Variants in IL23R observed in about 807,000 individuals in gnomAD.
IL23R encodes interleukin-23 receptor.
IL23R carries 34 observed loss-of-function variants against 56.9 expected under a neutral mutation model. That is an observed-to-expected ratio of 0.60 (90% CI 0.45 to 0.80). IL23R has a LOEUF of 0.80. Ranked by LOEUF, IL23R falls within the 30% of genes least tolerant of loss-of-function variation. The pLI is 0.00. For missense variants in IL23R, 635 were observed against 730.0 expected (o/e 0.87, Z 1.50); for synonymous variants, 230 against 249.2 (o/e 0.92, Z 0.73).
chr1:67,218,877 G>A (rs562849469), intron 6 of IL23R, among the ~76,000 whole-genome samples: 23 of 151,658 alleles, frequency 1.5e-4, no homozygotes, highest in South Asian at 4.2e-4. Context: ...AGCTGTGATC[G>A]AGCCACTGCA....
chr1:67,163,468 C>CAA (rs57495148), upstream of IL23R, among the ~76,000 whole-genome samples: 260 of 49,612 alleles, frequency 5.2e-3, 21 homozygotes, highest in African/African-American at 0.023. Flanking sequence ...GACCCTGTCT[C>CAA]AAAAAAAAAA....
At chr1:67,201,584 A>G (rs1648641702) in intron 5 of IL23R, among the ~76,000 whole-genome samples, 1 of 151,246 alleles carries the variant, frequency 6.6e-6, no homozygotes, top group East Asian at 1.9e-4. Flanking sequence ...CACTATGATC[A>G]TGATAAAGTT....
At chr1:67,241,532 C>G (rs1366689066) in intron 9 of IL23R, among the ~76,000 whole-genome samples, 3 of 152,154 alleles carry the variant, frequency 2.0e-5, no homozygotes, top group Non-Finnish European at 4.4e-5. Context: ...ACTTAGGTGA[C>G]AGTGTGACCA....
At chr1:67,199,069 A>T (rs1278037499) in intron 4 of IL23R, among the ~76,000 whole-genome samples, 1 of 152,138 alleles carries the variant, frequency 6.6e-6, no homozygotes, top group East Asian at 1.9e-4. Context: ...AATCCTCCGT[A>T]AAGGTGCTAG....
At chr1:67,212,912 T>C (rs1649590442) in intron 6 of IL23R, among the ~76,000 whole-genome samples, 2 of 151,980 alleles carry the variant, frequency 1.3e-5, no homozygotes, top group African/African-American at 4.8e-5. Flanking sequence ...CTCACTGTGT[T>C]GCCCAGGCTG....
chr1:67,190,205 A>G lies in IL23R; in HGVS notation c.491+7246A>G, dbSNP rs60098735. Among the ~76,000 whole-genome samples, 476 of 152,280 alleles carry G rather than the reference A, an allele frequency of 3.1e-3. 5 individuals carry two copies. Among genetic ancestry groups the G allele is most frequent in the African/African-American group, 0.011 (459 of 41,546 alleles). On this transcript the variant is annotated intron_variant, in intron 4 of 10. Transcript: ENST00000347310. ...GCTTTTTACCTGAGACCACCTACTC[A>G]TTTCTCCAGTTGCAGAAAGGCAGTG...
chr1:67,192,857 T>G (rs767193329), intron 4 of IL23R, among the ~76,000 whole-genome samples: 1 of 152,196 alleles, frequency 6.6e-6, no homozygotes, highest in Non-Finnish European at 1.5e-5. Context: ...TCCACTCGCT[T>G]CCTCCAGAGT....
At chr1:67,193,268 C>T (rs981749605) in intron 4 of IL23R, among the ~76,000 whole-genome samples, 12 of 152,154 alleles carry the variant, frequency 7.9e-5, no homozygotes, top group Non-Finnish European at 1.8e-4. Flanking sequence ...AACTGCCTAA[C>T]CTTTTTACTC....
At chr1:67,180,875 A>T (rs371142478) in intron 3 of IL23R, among the ~76,000 whole-genome samples, 14 of 152,092 alleles carry the variant, frequency 9.2e-5, no homozygotes, top group Admixed American at 6.6e-4. Flanking sequence ...TCCTTCACTT[A>T]TGAAGCTTAG....
intron 6 of IL23R, among the ~76,000 whole-genome samples, chr1:67,214,950 G>A (rs1649734505): frequency 6.6e-6 from 1 of 152,024 alleles, no homozygotes; most frequent in African/African-American, 2.4e-5. Context: ...TCCAGACATT[G>A]TATAGAAGAA....
intron 7 of IL23R, among the ~76,000 whole-genome samples, chr1:67,232,435 C>T (rs1328903228): frequency 6.6e-6 from 1 of 152,102 alleles, no homozygotes; most frequent in Non-Finnish European, 1.5e-5. Context: ...CTGCCTCCCA[C>T]CCTGAGCCAT....
At chr1:67,234,559 C>T (rs917630192) in intron 7 of IL23R, among the ~76,000 whole-genome samples, 2 of 151,928 alleles carry the variant, frequency 1.3e-5, no homozygotes, top group Admixed American at 6.6e-5. Flanking sequence ...GTATTAAAAG[C>T]CAACAACACC....
intron 5 of IL23R, among the ~76,000 whole-genome samples, chr1:67,205,445 AG>A (rs1391354822): frequency 1.3e-5 from 2 of 152,200 alleles, no homozygotes; most frequent in African/African-American, 4.8e-5. Flanking sequence ...CCACGCCTAC[AG>A]GCCCTTGAGT....
intron 7 of IL23R, among the ~76,000 whole-genome samples, chr1:67,231,022 G>T (rs577971688): frequency 6.6e-6 from 1 of 151,954 alleles, no homozygotes; most frequent in Non-Finnish European, 1.5e-5. Context: ...GGGTGGGGGC[G>T]AATCTCCAAT....
At chr1:67,156,676 T>C (rs1570761562) in intron 1 of IL23R, among the ~76,000 whole-genome samples, 1 of 152,050 alleles carries the variant, frequency 6.6e-6, no homozygotes. Context: ...AAACTGATCA[T>C]CCCAAAGCAG....
chr1:67,181,818 A>C (rs913905041), intron 3 of IL23R, among the ~76,000 whole-genome samples: 1 of 152,102 alleles, frequency 6.6e-6, no homozygotes, highest in Admixed American at 6.5e-5. Flanking sequence ...TTTGGTGTGG[A>C]TGTCCTTTCT....
intron 4 of IL23R, among the ~76,000 whole-genome samples, chr1:67,197,361 C>T (rs1648238907): frequency 6.6e-6 from 1 of 152,018 alleles, no homozygotes; most frequent in Admixed American, 6.6e-5. Flanking sequence ...GGACTAAAGA[C>T]CAAATGGGAA....
At chr1:67,179,612 A>T (rs10192255) in intron 3 of IL23R, among the ~76,000 whole-genome samples, 7 of 151,350 alleles carry the variant, frequency 4.6e-5, no homozygotes, top group Non-Finnish European at 2.9e-5. Flanking sequence ...TTGTGTCTCT[A>T]TTTCCTTCAG....
At chr1:67,210,264 T>C (rs1649362851) in intron 6 of IL23R, among the ~76,000 whole-genome samples, 1 of 152,182 alleles carries the variant, frequency 6.6e-6, no homozygotes, top group Non-Finnish European at 1.5e-5. Flanking sequence ...TCACATCAGA[T>C]AACAGCACCT....
Sources: gnomAD v4.1 joint callset for allele counts (sites outside exome capture counted in the v4.1 genomes callset) on GRCh38, gnomAD v4.1.1 for gene constraint, MANE v1.5 for transcripts, NCBI Gene and HGNC (gene_info 2026-07-23, HGNC 2026-07-21) for gene names.